LIN28B: variants seen among roughly 807,000 people sequenced by gnomAD.
LIN28B encodes protein lin-28 homolog B.
LIN28B carries 5 observed loss-of-function variants against 21.9 expected under a neutral mutation model. The observed-to-expected ratio is 0.23, with a 90% CI of 0.12 to 0.48. The LOEUF is 0.48. Among genes scored for constraint, LIN28B ranks in the 20% least tolerant of loss-of-function variants. LIN28B has a pLI of 0.98. For synonymous variants in LIN28B, 109 were observed against 111.3 expected (o/e 0.98, Z 0.13); for missense variants, 245 against 310.5 (o/e 0.79, Z 1.58).
chr6:104,946,675 T>C (rs994027732), intron 2 of LIN28B, among the ~76,000 whole-genome samples: 5 of 152,176 alleles, frequency 3.3e-5, no homozygotes, highest in African/African-American at 9.6e-5. Flanking sequence ...TTTTAAGTAA[T>C]GTTATTTTAA....
intron 3 of LIN28B, among the ~76,000 whole-genome samples, chr6:105,063,574 T>C (rs1772163864): frequency 1.4e-5 from 2 of 139,590 alleles, no homozygotes; most frequent in African/African-American, 5.4e-5. Flanking sequence ...AGGCTGAAGT[T>C]GCAGTGAGCC....
chr6:104,938,516 G>A (rs754383468), intron 2 of LIN28B, among the ~76,000 whole-genome samples: 11 of 151,968 alleles, frequency 7.2e-5, no homozygotes, highest in Non-Finnish European at 1.3e-4. Context: ...GAGCAGGCCT[G>A]TAATCCCAGC....
intron 2 of LIN28B, among the ~76,000 whole-genome samples, chr6:104,987,781 G>T (rs529471700): frequency 2.2e-4 from 34 of 151,724 alleles, no homozygotes; most frequent in Admixed American, 3.3e-4. Context: ...CTCTTGCTCT[G>T]TCCCCCAGGG....
intron 3 of LIN28B, among the ~76,000 whole-genome samples, chr6:105,047,993 A>C (rs1771806551): frequency 6.6e-6 from 1 of 152,148 alleles, no homozygotes; most frequent in Non-Finnish European, 1.5e-5. Context: ...CTCTTTTCCT[A>C]ATTGAATACC....
At chr6:105,027,360 ATTGT>A (rs946494872) in intron 3 of LIN28B, among the ~76,000 whole-genome samples, 8 of 152,008 alleles carry the variant, frequency 5.3e-5, no homozygotes, top group Non-Finnish European at 7.4e-5. Context: ...GATGTAGCTC[ATTGT>A]TTGTTTGTGG....
At chr6:105,053,863 C>T (rs1037137439) in intron 3 of LIN28B, among the ~76,000 whole-genome samples, 1 of 152,028 alleles carries the variant, frequency 6.6e-6, no homozygotes, top group African/African-American at 2.4e-5. Context: ...CTGCCATATT[C>T]AGGATTACAG....
At chr6:104,958,413 C>CAGGGAA (rs1769627715) in intron 2 of LIN28B, 127 bp downstream of exon 2, 4 of 689,716 alleles carry the variant, frequency 5.8e-6, no homozygotes, top group Non-Finnish European at 9.2e-6. Flanking sequence ...TCCCTGAAAT[C>CAGGGAA]ACTAGGTAGT....
intron 2 of LIN28B, among the ~76,000 whole-genome samples, chr6:105,001,185 A>G (rs1163164021): frequency 1.3e-5 from 2 of 152,206 alleles, no homozygotes; most frequent in African/African-American, 4.8e-5. Flanking sequence ...TGTCTGTGGT[A>G]GCTTTGACCC....
At chr6:105,004,936 C>G (rs1770788778) in intron 2 of LIN28B, among the ~76,000 whole-genome samples, 1 of 152,114 alleles carries the variant, frequency 6.6e-6, no homozygotes, top group East Asian at 1.9e-4. Context: ...TTAGTTTCAT[C>G]TTGGAGAATT....
chr6:105,045,265 T>A (rs1771729194), intron 3 of LIN28B, among the ~76,000 whole-genome samples: 1 of 150,354 alleles, frequency 6.7e-6, no homozygotes, highest in Non-Finnish European at 1.5e-5. Context: ...GAATACTTCA[T>A]AAATTTGTAT....
chr6:105,019,299 A>T (rs150874767), intron 2 of LIN28B, among the ~76,000 whole-genome samples: 1 of 152,272 alleles, frequency 6.6e-6, no homozygotes, highest in Admixed American at 6.5e-5. Flanking sequence ...GACCCTTCAG[A>T]TACATGAATG....
intron 2 of LIN28B, among the ~76,000 whole-genome samples, chr6:105,015,969 A>G (rs1036635693): frequency 6.6e-6 from 1 of 152,204 alleles, no homozygotes; most frequent in African/African-American, 2.4e-5. Flanking sequence ...ACATAGATGT[A>G]CTATTCTGCC....
chr6:104,953,633 T>G (rs1334121889), upstream of LIN28B, among the ~76,000 whole-genome samples: 1 of 152,096 alleles, frequency 6.6e-6, no homozygotes, highest in Non-Finnish European at 1.5e-5. Flanking sequence ...GAAAAGTGAC[T>G]GAGGAAAGAA....
intron 3 of LIN28B, among the ~76,000 whole-genome samples, chr6:105,030,067 A>T (rs1445824675): frequency 2.6e-5 from 4 of 152,196 alleles, no homozygotes. Context: ...GCTTTGACAC[A>T]CTTAATATCT....
intron 3 of LIN28B, among the ~76,000 whole-genome samples, chr6:105,047,271 G>A (rs1456632577): frequency 2.6e-5 from 4 of 152,178 alleles, no homozygotes; most frequent in Admixed American, 2.6e-4. Context: ...TTATTAAATA[G>A]GGAATCCTTT....
intron 2 of LIN28B, among the ~76,000 whole-genome samples, chr6:104,959,268 G>T (rs1769664767): frequency 1.3e-5 from 2 of 152,214 alleles, no homozygotes; most frequent in Non-Finnish European, 2.9e-5. Flanking sequence ...GACTAAAGAG[G>T]TTTATTTTGG....
intron 2 of LIN28B, among the ~76,000 whole-genome samples, chr6:105,011,759 CACTT>C (rs1324255752): frequency 6.6e-6 from 1 of 151,964 alleles, no homozygotes; most frequent in African/African-American, 2.4e-5. Flanking sequence ...GCAGGAGAAT[CACTT>C]AAACCCGGGA....
chr6:105,078,514 G>A lies in LIN28B; in HGVS notation c.484G>A (p.Ala162Thr), dbSNP rs1255551412. 1.9e-6 allele frequency: 3 copies of A among 1,613,982 alleles called. No homozygotes were observed. The African/African-American group carries it at 4.0e-5, about 22-fold the overall frequency. ...HYCQSIMHMVANCPHKNVAQP... is the reference protein window; with the variant it reads ...HYCQSIMHMVTNCPHKNVAQP... The stretch of plus-strand genomic sequence containing the variant: ...CTGTCAGAGCATCATGCACATGGTG[G>A]CAAACTGCCCACATAAAAATGTTGC... Residue 162 changes from alanine to threonine, a missense_variant, in exon 4 of 4, where the codon GCA becomes ACA. Transcript: ENST00000345080.
chr6:104,947,390 C>T (rs1217570445), intron 2 of LIN28B, among the ~76,000 whole-genome samples: 1 of 152,204 alleles, frequency 6.6e-6, no homozygotes, highest in Non-Finnish European at 1.5e-5. Context: ...TCCCAAAGTG[C>T]TGGGATTACA....
Sources: allele counts gnomAD v4.1 joint callset (sites outside exome capture counted in the v4.1 genomes callset), GRCh38; gene constraint gnomAD v4.1.1; transcripts MANE v1.5; gene names NCBI Gene and HGNC (gene_info 2026-07-23, HGNC 2026-07-21).